PPP2R1B: variants seen among roughly 807,000 people sequenced by gnomAD.
PPP2R1B encodes the protein protein phosphatase 2 scaffold subunit Abeta, also known as serine/threonine-protein phosphatase 2A 65 kDa regulatory subunit A beta isoform.
A neutral mutation model predicts 72.7 loss-of-function variants in PPP2R1B; 58 were observed. The observed-to-expected ratio is 0.80, with a 90% CI of 0.65 to 0.99. PPP2R1B has a LOEUF of 0.99. PPP2R1B is among the 50% of genes least tolerant of loss of function. The pLI is 0.00. For missense variants in PPP2R1B, 695 were observed against 733.6 expected (o/e 0.95, Z 0.61); for synonymous variants, 256 against 264.6 (o/e 0.97, Z 0.32).
intron 13 of PPP2R1B, 35 bp from the exon 14 acceptor site, chr11:111,742,179 C>T: frequency 6.6e-7 from 1 of 1,506,394 alleles, no homozygotes; most frequent in Non-Finnish European, 9.2e-7. Context: ...GAAAGACAGT[C>T]TAATGGGCCA....
At chr11:111,736,144 A>AC (rs1246262353), downstream of PPP2R1B, among the ~76,000 whole-genome samples, 1 of 152,124 alleles carries the variant, frequency 6.6e-6, no homozygotes, top group African/African-American at 2.4e-5. Context: ...AGCACCTACC[A>AC]CCTAGGGTGG....
chr11:111,720,093 C>A, the PPP2R1B span: 1 of 1,289,600 alleles, frequency 7.8e-7, no homozygotes, highest in Non-Finnish European at 1.1e-6. Flanking sequence ...CAGCCAACAC[C>A]TAAAATTGAG....
At chr11:111,749,658 TGAGA>T (rs1374561533) in intron 10 of PPP2R1B, among the ~76,000 whole-genome samples, 2 of 152,114 alleles carry the variant, frequency 1.3e-5, no homozygotes, top group Non-Finnish European at 2.9e-5. Flanking sequence ...CATAAAGTCT[TGAGA>T]GAATTTTATA....
downstream of PPP2R1B, chr11:111,723,373 T>G: frequency 9.2e-7 from 1 of 1,090,684 alleles, no homozygotes; most frequent in East Asian, 2.5e-5. Context: ...TTCCCACTTG[T>G]TTTTGCTGAC....
the PPP2R1B span, among the ~76,000 whole-genome samples, chr11:111,710,952 G>A: frequency 6.6e-6 from 1 of 152,134 alleles, no homozygotes; most frequent in Non-Finnish European, 1.5e-5. Context: ...TCATAGTCTA[G>A]TATGATGATT....
the PPP2R1B span, chr11:111,720,767 G>C: frequency 6.3e-7 from 1 of 1,580,816 alleles, no homozygotes; most frequent in Non-Finnish European, 8.6e-7. Context: ...CCCAGGGTGA[G>C]CACTTCCTCC....
In PPP2R1B at chr11:111,738,878, ATGTTTG is replaced by A. The variant is rs1297753365; in HGVS notation, c.*2712_*2717del. On this transcript the variant is annotated 3_prime_UTR_variant, in exon 15 of 15. Transcript: ENST00000527614. ...AGACATTTTTATTGGCATAGGTTAT[ATGTTTG>A]TGTGTGTGTGTGTGTGTGTGTGTGT... is the stretch of plus-strand genomic sequence containing the variant. 3.3e-6 allele frequency: 3 copies of A among 911,938 alleles called. No homozygotes were observed. The Admixed American group carries it at 2.8e-4, about 85-fold the overall frequency. 56.5% of individuals were successfully genotyped at this position (911,938 alleles called of 1,614,324 possible). A position where few individuals can be genotyped will look rare whatever the true frequency, so the allele number is the denominator to read the frequency against.
the PPP2R1B span, chr11:111,712,357 G>A: frequency 1.9e-6 from 3 of 1,614,136 alleles, no homozygotes; most frequent in South Asian, 3.3e-5. Flanking sequence ...TGGAAGAAGA[G>A]TGTGTGGACA....
chr11:111,719,851 T>C, the PPP2R1B span: 2 of 1,614,116 alleles, frequency 1.2e-6, no homozygotes, highest in Non-Finnish European at 1.7e-6. Context: ...AGCAACATGA[T>C]GGAGACCTCC....
At chr11:111,721,422 C>A in the PPP2R1B span, among the ~76,000 whole-genome samples, 4 of 152,324 alleles carry the variant, frequency 2.6e-5, no homozygotes, top group Admixed American at 2.0e-4. Context: ...TGAGAAGCTT[C>A]TCACCACTAC....
rs1944400209 is a variant in PPP2R1B, at chr11:111,738,292, T to C, written c.*3304A>G. The C allele has an allele frequency of 1.0e-6, 1 of 985,388 alleles. No homozygotes were observed. Among genetic ancestry groups the C allele is most frequent in the African/African-American group, 1.7e-5 (1 of 57,236 alleles). 61.0% of individuals were successfully genotyped at this position (985,388 alleles called of 1,614,324 possible). A position where few individuals can be genotyped will look rare whatever the true frequency, so the allele number is the denominator to read the frequency against. On this transcript the variant is annotated 3_prime_UTR_variant, in exon 15 of 15. Coordinates refer to ENST00000527614, the MANE Select transcript of PPP2R1B (RefSeq NM_002716.5). ...TTTACGATAAGAGTGTCACCATTTT[T>C]AAAAGTCAGAGGAATTTAAGTAAAA...
At chr11:111,753,344 C>T (rs972869730) in intron 9 of PPP2R1B, 99 bp downstream of exon 9, 62 of 1,429,480 alleles carry the variant, frequency 4.3e-5, no homozygotes, top group Non-Finnish European at 4.9e-5. Flanking sequence ...TTTTTTTATC[C>T]ATTTTCTTTT....
In PPP2R1B at chr11:111,740,894, A is replaced by T; in HGVS notation, c.*702T>A. The T allele has an allele frequency of 4.1e-6, 4 of 985,474 alleles. No individual in the cohort carries two copies. In the South Asian group the frequency reaches 1.9e-4, roughly 46 times the overall value. The allele number at this position is 985,474 out of a possible 1,614,324, so 61.0% of individuals were successfully genotyped here. On this transcript the variant is annotated 3_prime_UTR_variant, in exon 15 of 15. Transcript: ENST00000527614. Reference sequence around the variant, plus strand: ...AAGAGAGAGAAGTATTTTTAAATGTAGGCACAGTGGTGAGCTGTTCAAATT... The same window carrying T: ...AAGAGAGAGAAGTATTTTTAAATGTTGGCACAGTGGTGAGCTGTTCAAATT...
intron 9 of PPP2R1B, among the ~76,000 whole-genome samples, chr11:111,752,979 A>AAACG (rs1944966195): frequency 6.6e-6 from 1 of 151,800 alleles, no homozygotes; most frequent in Non-Finnish European, 1.5e-5. Context: ...CAAAACAAAC[A>AAACG]AACAAACAAA....
At chr11:111,721,857 G>A in the PPP2R1B span, 48 of 1,611,596 alleles carry the variant, frequency 3.0e-5, no homozygotes, top group South Asian at 5.5e-5. Context: ...GCAGGAAAGC[G>A]TCTCCACTCT....
chr11:111,755,252 T>C, intron 6 of PPP2R1B, 43 bp downstream of exon 6: 1 of 1,568,880 alleles, frequency 6.4e-7, no homozygotes, highest in Non-Finnish European at 8.6e-7. Flanking sequence ...AATCTATGTG[T>C]TTTCAGGTTT....
rs890476770 is a variant in PPP2R1B, at chr11:111,740,077, A to T, written c.*1519T>A. ...GAACAGGACTTGTTAGATTTAAAAG[A>T]GGTTGTGAACAAAATCAACAATTCA... On this transcript the variant is annotated 3_prime_UTR_variant, in exon 15 of 15. Coordinates refer to ENST00000527614, the MANE Select transcript of PPP2R1B (RefSeq NM_002716.5). The T allele has an allele frequency of 2.9e-5, 29 of 985,298 alleles. No individual in the cohort carries two copies. Among genetic ancestry groups the T allele is most frequent in the Non-Finnish European group, 3.4e-5 (28 of 829,896 alleles). 61.0% of individuals were successfully genotyped at this position (985,298 alleles called of 1,614,324 possible).
At chr11:111,720,038 A>T in the PPP2R1B span, 30 of 1,583,210 alleles carry the variant, frequency 1.9e-5, no homozygotes, top group Middle Eastern at 1.8e-4. Context: ...TTGAGTCTTC[A>T]TGGCATCATG....
At chr11:111,702,977 C>G in the PPP2R1B span, among the ~76,000 whole-genome samples, 11 of 151,870 alleles carry the variant, frequency 7.2e-5, no homozygotes, top group Non-Finnish European at 1.5e-4. Flanking sequence ...TCCTTTAGCC[C>G]AGAATCTGAT....
Sources: gnomAD v4.1 joint callset for allele counts (sites outside exome capture counted in the v4.1 genomes callset) on GRCh38, gnomAD v4.1.1 for gene constraint, MANE v1.5 for transcripts, NCBI Gene and HGNC (gene_info 2026-07-23, HGNC 2026-07-21) for gene names.